MOCOS: variants seen among roughly 807,000 people sequenced by gnomAD.
MOCOS encodes human molybdenum cofactor sulfurase.
In MOCOS, 86 loss-of-function variants were observed where a neutral mutation model predicts 83.6. The observed-to-expected ratio is 1.03, with a 90% CI of 0.86 to 1.23. MOCOS has a LOEUF of 1.23. MOCOS is among the 50% of genes most tolerant of loss of function. The pLI, the probability that MOCOS is intolerant of heterozygous loss-of-function variation, is 0.00. For missense variants in MOCOS, 1,120 were observed against 1,126.9 expected (o/e 0.99, Z 0.09); for synonymous variants, 445 against 434.7 (o/e 1.02, Z -0.29).
At chr18:36,188,480 C>T (rs954295720) in intron 1 of MOCOS, among the ~76,000 whole-genome samples, 17 of 152,338 alleles carry the variant, frequency 1.1e-4, no homozygotes, top group Middle Eastern at 6.8e-3. Context: ...GTGACTCATC[C>T]CTCTGCCAGG....
intron 9 of MOCOS, among the ~76,000 whole-genome samples, chr18:36,227,067 C>A (rs1182339336): frequency 3.3e-5 from 5 of 151,688 alleles, no homozygotes; most frequent in African/African-American, 1.2e-4. Flanking sequence ...TGCCACCATG[C>A]CTGGCTAATT....
intron 5 of MOCOS, 106 bp downstream of exon 5, chr18:36,203,295 C>A (rs749592120): frequency 4.8e-5 from 50 of 1,042,394 alleles, no homozygotes; most frequent in Non-Finnish European, 6.7e-5. Flanking sequence ...GTGGAAGTGA[C>A]TGGCACTCCA....
Position 36,221,247 on chromosome 18 carries a change from T to C in MOCOS, c.1960+1030T>C, listed in dbSNP as rs368834408. Among the ~76,000 whole-genome samples, 4 of 152,238 alleles carry C rather than the reference T, an allele frequency of 2.6e-5. No individual in the cohort carries two copies. The South Asian group carries it at 8.3e-4, about 32-fold the overall frequency. Reference sequence around the variant, plus strand: ...TTAAATTTTACTTAATTTTAATTAGTTTAAATAGCTACGTGTAGCTATGCT... The same window carrying C: ...TTAAATTTTACTTAATTTTAATTAGCTTAAATAGCTACGTGTAGCTATGCT... On this transcript the variant is annotated intron_variant, in intron 9 of 14. Coordinates refer to ENST00000261326, the MANE Select transcript of MOCOS (RefSeq NM_017947.4).
intron 5 of MOCOS, among the ~76,000 whole-genome samples, chr18:36,204,152 C>T (rs1214722351): frequency 1.3e-5 from 2 of 152,186 alleles, no homozygotes; most frequent in African/African-American, 2.4e-5. Flanking sequence ...TTCACAATGT[C>T]GTGCCACCAT....
chr18:36,241,123 C>A (rs530826157), intron 9 of MOCOS, among the ~76,000 whole-genome samples: 4 of 152,052 alleles, frequency 2.6e-5, no homozygotes, highest in Admixed American at 2.6e-4. Context: ...AGCTGTAGAC[C>A]GGAGCTGTTC....
At chr18:36,238,657 G>A (rs1300878787) in intron 9 of MOCOS, among the ~76,000 whole-genome samples, 38 of 135,400 alleles carry the variant, frequency 2.8e-4, no homozygotes, top group Middle Eastern at 3.9e-3. Flanking sequence ...GGTCCGCTTG[G>A]TGCAGAGCTG....
chr18:36,235,658 G>C (rs1284726903), intron 9 of MOCOS, among the ~76,000 whole-genome samples: 40 of 151,004 alleles, frequency 2.6e-4, no homozygotes, highest in Non-Finnish European at 5.9e-5. Flanking sequence ...GTAATGGGAT[G>C]GCTGGGTCAA....
chr18:36,252,132 A>G (rs570329731), intron 11 of MOCOS, among the ~76,000 whole-genome samples: 1 of 152,282 alleles, frequency 6.6e-6, no homozygotes, highest in South Asian at 2.1e-4. Context: ...TAGTTGCTCA[A>G]TACATGGCTA....
At chr18:36,261,906 G>A (rs1344579393) in intron 13 of MOCOS, among the ~76,000 whole-genome samples, 1 of 152,064 alleles carries the variant, frequency 6.6e-6, no homozygotes, top group East Asian at 1.9e-4. Context: ...GAGAGTGAGA[G>A]GAAGAAAGGA....
At chr18:36,221,636 TC>T (rs2091496333) in intron 9 of MOCOS, among the ~76,000 whole-genome samples, 2 of 151,938 alleles carry the variant, frequency 1.3e-5, no homozygotes, top group Non-Finnish European at 1.5e-5. Flanking sequence ...TCTGTTCTGT[TC>T]TGTTCTGTTC....
At chr18:36,226,723 T>G (rs1055564015) in intron 9 of MOCOS, among the ~76,000 whole-genome samples, 18 of 150,364 alleles carry the variant, frequency 1.2e-4, no homozygotes, top group African/African-American at 3.5e-4. Context: ...TCTTTTTTTT[T>G]TTGGTGTGTA....
chr18:36,225,640 G>A (rs927540842), intron 9 of MOCOS, among the ~76,000 whole-genome samples: 4 of 152,008 alleles, frequency 2.6e-5, no homozygotes, highest in African/African-American at 9.7e-5. Context: ...TGTAAAATTA[G>A]GTTGTTTGAG....
At chr18:36,220,294 G>A in intron 9 of MOCOS, 77 bp downstream of exon 9, 1 of 1,534,486 alleles carries the variant, frequency 6.5e-7, no homozygotes, top group East Asian at 2.3e-5. Context: ...TCTACCAAGT[G>A]TTAGAATAAC....
Position 36,249,246 on chromosome 18 carries a change from C to T in MOCOS, c.2039+246C>T, listed in dbSNP as rs75372397. On this transcript the variant is annotated intron_variant, in intron 10 of 14. Coordinates refer to ENST00000261326, the MANE Select transcript of MOCOS (RefSeq NM_017947.4). The stretch of plus-strand genomic sequence containing the variant: ...GCCTGGTGCTCTTCCCCTAGTTATA[C>T]CTCCACAGGGCTGTTCTCTCACCTC... 6.8e-4 allele frequency among the ~76,000 whole-genome samples: 103 copies of T among 152,252 alleles called. 1 individual carries two copies. The East Asian group carries it at 0.019, about 29-fold the overall frequency.
intron 2 of MOCOS, among the ~76,000 whole-genome samples, 194 bp downstream of exon 2, chr18:36,195,540 G>T (rs1013848752): frequency 1.3e-5 from 2 of 152,190 alleles, no homozygotes; most frequent in African/African-American, 4.8e-5. Flanking sequence ...GGAGGGAGCT[G>T]GCTCAGGGAC....
chr18:36,263,736 C>G (rs1221835724), intron 13 of MOCOS, among the ~76,000 whole-genome samples: 1 of 152,150 alleles, frequency 6.6e-6, no homozygotes, highest in Non-Finnish European at 1.5e-5. Context: ...AGTGCTTTCT[C>G]TTTTAATTCT....
At chr18:36,209,717 AT>A (rs1219831909) in intron 6 of MOCOS, among the ~76,000 whole-genome samples, 1 of 151,958 alleles carries the variant, frequency 6.6e-6, no homozygotes, top group Non-Finnish European at 1.5e-5. Flanking sequence ...TATATACCAC[AT>A]TTTCTTTATC....
Position 36,200,344 on chromosome 18 carries a change from G to A in MOCOS, c.941+20G>A, listed in dbSNP as rs571989443. 2.3e-4 allele frequency: 372 copies of A among 1,605,440 alleles called. 6 individuals carry two copies. The South Asian group carries it at 3.9e-3, about 17-fold the overall frequency. ...TCAGAGGTAACCTTGCCACAGGGGA[G>A]GGGTCAGAGGAGTTCAGCAAGGTGG... On this transcript the variant is annotated intron_variant, in intron 4 of 14. Transcript: ENST00000261326.
In MOCOS at chr18:36,248,975, C is replaced by A. The variant is rs570246282; in HGVS notation, c.2014C>A (p.Arg672Ser). ...GGAAAATAGTGAACGGACTCAGATT[C>A]GCCAAAGCAGGGTCTGTGCTGACAG... ...LEENSERTQI[R>S]QSRVCADRVS... Residue 672 changes from arginine (R) to serine (S), a missense_variant, in exon 10 of 15, where the codon CGC becomes AGC. By Grantham distance (110) the Arg-to-Ser change is moderately radical. Coordinates refer to ENST00000261326, the MANE Select transcript of MOCOS (RefSeq NM_017947.4). The A allele has an allele frequency of 1.1e-5, 17 of 1,614,106 alleles. 1 individual carries two copies. The South Asian group carries it at 1.8e-4, about 17-fold the overall frequency.
Sources: gnomAD v4.1 joint callset for allele counts (sites outside exome capture counted in the v4.1 genomes callset) on GRCh38, gnomAD v4.1.1 for gene constraint, MANE v1.5 for transcripts, NCBI Gene and HGNC (gene_info 2026-07-23, HGNC 2026-07-21) for gene names.